Variants in ZNF185 observed in about 807,000 individuals in gnomAD.
ZNF185 encodes zinc finger protein 185 with LIM domain, also known as zinc finger protein 185.
Under a neutral mutation model 58.6 loss-of-function variants are expected in ZNF185, and 56 were observed. The ratio of observed to expected loss-of-function variants is 0.95; its 90% CI spans 0.77 to 1.19. The LOEUF is 1.19. Among genes scored for constraint, ZNF185 ranks in the 50% most tolerant of loss-of-function variants. ZNF185 has a pLI of 0.00. For missense variants in ZNF185, 627 were observed against 573.5 expected (o/e 1.09, Z -0.95); for synonymous variants, 230 against 215.9 (o/e 1.07, Z -0.57).
chrX:152,947,933 TC>T (rs782657218), intron 16 of ZNF185, among the ~76,000 whole-genome samples: 8 of 110,931 alleles, frequency 7.2e-5, no homozygotes, highest in Non-Finnish European at 1.5e-4. Flanking sequence ...TAATTATTGA[TC>T]CCCTAAAACC....
chrX:152,933,065 T>C lies in ZNF185; in HGVS notation c.1121+94T>C, dbSNP rs1215744643. On this transcript the variant is annotated intron_variant, in intron 14 of 22. Coordinates refer to ENST00000449285, the Ensembl canonical transcript of ZNF185. ...GCTTGGGCTGCTATGGGTGGGGCAC[T>C]GGTCACTTCCTATGGCTCCTGTCTA... The C allele has an allele frequency of 2.0e-5, 11 of 541,423 alleles. No individual in the cohort carries two copies. The Admixed American group carries it at 2.5e-4, about 12-fold the overall frequency. The allele number at this position is 541,423 out of a possible 1,213,427, so 44.6% of individuals were successfully genotyped here. A position where few individuals can be genotyped will look rare whatever the true frequency, so the allele number is the denominator to read the frequency against.
chrX:152,957,111 G>T (rs1454150003), intron 16 of ZNF185, among the ~76,000 whole-genome samples: 4 of 103,801 alleles, frequency 3.9e-5, no homozygotes. Context: ...TTGTTCTGTC[G>T]CCTAGGCTGA....
upstream of ZNF185, among the ~76,000 whole-genome samples, chrX:152,913,073 C>T (rs1483245240): frequency 7.1e-5 from 8 of 112,492 alleles, no homozygotes; most frequent in Non-Finnish European, 1.1e-4. Context: ...CTCTCGTCCC[C>T]CTGCCCTGCC....
intron 11 of ZNF185, among the ~76,000 whole-genome samples, chrX:152,923,247 G>A (rs1556870741): frequency 8.9e-6 from 1 of 112,098 alleles, no homozygotes; most frequent in East Asian, 2.8e-4. Flanking sequence ...CCCAAGGGCT[G>A]TTCAGGCTCT....
chrX:152,941,592 T>C (rs1330584934), intron 15 of ZNF185: 42 of 1,081,304 alleles, frequency 3.9e-5, no homozygotes, highest in Non-Finnish European at 4.9e-5. Context: ...CGTGCGCGCC[T>C]GTGCACCTCG....
rs900457986 is a variant in ZNF185, at chrX:152,970,334, C to T, written c.1975-109C>T. The T allele has an allele frequency of 6.5e-5, 40 of 612,337 alleles. 1 individual carries two copies. The highest frequency in any genetic ancestry group is 8.1e-5 in the Admixed American group (3 of 37,128). The allele number at this position is 612,337 out of a possible 1,213,427, so 50.5% of individuals were successfully genotyped here. On this transcript the variant is annotated intron_variant, in intron 21 of 22. Coordinates refer to ENST00000449285, the Ensembl canonical transcript of ZNF185. ...AAGTCCTGAGGTCCAGGATGTGCCA[C>T]GGGCTCACAGCATCTGCTCGCCCAC...
the ZNF185 span, among the ~76,000 whole-genome samples, chrX:152,908,685 C>T: frequency 1.8e-5 from 2 of 112,944 alleles, no homozygotes; most frequent in Non-Finnish European, 3.8e-5. Flanking sequence ...GCCATAGAGG[C>T]GACTGGCAGT....
chrX:152,914,690 G>T lies in ZNF185; in HGVS notation c.35-20G>T, dbSNP rs1938014642. ...GGGGCTGCATTCCTCTTCTGAGGCG[G>T]TTGGCTTTTCCCACCACAGGGAAGC... On this transcript the variant is annotated intron_variant, in intron 1 of 22. Coordinates refer to ENST00000449285, the Ensembl canonical transcript of ZNF185. The T allele has an allele frequency of 2.5e-6, 3 of 1,197,000 alleles. No individual in the cohort carries two copies. Among genetic ancestry groups the T allele is most frequent in the Non-Finnish European group, 3.4e-6 (3 of 888,448 alleles).
chrX:152,909,132 G>A, the ZNF185 span, among the ~76,000 whole-genome samples: 682 of 112,634 alleles, frequency 6.1e-3, 5 homozygotes, highest in African/African-American at 0.02. Flanking sequence ...TCCCAAATGG[G>A]GTTCACATCC....
At chrX:152,970,386 C>A (rs1022166831) in intron 21 of ZNF185, 57 bp from the exon 24 acceptor site, 44 of 1,109,580 alleles carry the variant, frequency 4.0e-5, no homozygotes, top group Non-Finnish European at 5.0e-5. Context: ...CTTCCCACTC[C>A]ACTCATTCCT....
chrX:152,920,685 T>C (rs782621866), intron 8 of ZNF185, 22 bp from the exon 10 acceptor site: 5 of 1,211,793 alleles, frequency 4.1e-6, no homozygotes, highest in Non-Finnish European at 5.6e-6. Context: ...CCCAAAGCAT[T>C]GCCTTTCTGC....
At chrX:152,968,217 T>C (rs1018545415) in intron 20 of ZNF185, among the ~76,000 whole-genome samples, 9 of 112,107 alleles carry the variant, frequency 8.0e-5, no homozygotes, top group Admixed American at 9.4e-5. Context: ...CATCAGCAGA[T>C]GAAGTCTTAG....
chrX:152,936,460 G>C, intron 14 of ZNF185: 3 of 1,166,696 alleles, frequency 2.6e-6, no homozygotes, highest in Non-Finnish European at 3.4e-6. Context: ...TGGAAGACCA[G>C]GATGGGCACA....
At chrX:152,954,010 G>C (rs1422914494) in intron 16 of ZNF185, among the ~76,000 whole-genome samples, 2 of 111,619 alleles carry the variant, frequency 1.8e-5, no homozygotes, top group Non-Finnish European at 3.8e-5. Context: ...CAAAGTGCTG[G>C]GATTACAGGT....
rs1255286293 is a variant in ZNF185, at chrX:152,917,979, C to T, written c.342-86C>T. 23 of 1,154,418 alleles carry T rather than the reference C, an allele frequency of 2.0e-5. No individual in the cohort carries two copies. In the South Asian group the frequency reaches 3.6e-4, roughly 18 times the overall value. On this transcript the variant is annotated intron_variant, in intron 5 of 22. Coordinates refer to ENST00000449285, the Ensembl canonical transcript of ZNF185. ...GGCTCCCAGGCAGCTCCTGGTCCACCTCTCATGTGTCCACTGGGCTGTGTG... is the reference window on the plus strand; with the variant it reads ...GGCTCCCAGGCAGCTCCTGGTCCACTTCTCATGTGTCCACTGGGCTGTGTG...
At chrX:152,898,763 C>T in the ZNF185 span, among the ~76,000 whole-genome samples, 2 of 112,514 alleles carry the variant, frequency 1.8e-5, no homozygotes, top group Non-Finnish European at 3.8e-5. Flanking sequence ...CACACTCAGA[C>T]AGAAGGCGCC....
intron 10 of ZNF185, 109 bp downstream of exon 11, chrX:152,922,365 G>C (rs782693784): frequency 3.4e-4 from 248 of 728,133 alleles, no homozygotes; most frequent in Non-Finnish European, 2.4e-4. Context: ...CGAGATCAGT[G>C]TCCCCATGTG....
At chrX:152,953,155 T>C (rs782478701) in intron 16 of ZNF185, among the ~76,000 whole-genome samples, 2 of 111,151 alleles carry the variant, frequency 1.8e-5, no homozygotes, top group Non-Finnish European at 3.8e-5. Context: ...GAGCCAGGAA[T>C]TTGGAGTAAA....
chrX:152,939,782 T>TG (rs1283540138), intron 15 of ZNF185, among the ~76,000 whole-genome samples: 1 of 88,212 alleles, frequency 1.1e-5, no homozygotes, highest in Non-Finnish European at 2.4e-5. Flanking sequence ...AGGTGTTTTT[T>TG]TTTTTTTTTT....
Sources: gnomAD v4.1 joint callset for allele counts (sites outside exome capture counted in the v4.1 genomes callset) on GRCh38, gnomAD v4.1.1 for gene constraint, MANE v1.5 for transcripts, NCBI Gene and HGNC (gene_info 2026-07-23, HGNC 2026-07-21) for gene names.